The following SLC15A5 variants were observed in gnomAD, a reference collection of about 807,000 sequenced individuals.
SLC15A5 encodes Peptide/histidine transporter ENSP00000340402.
Under a neutral mutation model 56.1 loss-of-function variants are expected in SLC15A5, and 58 were observed. The ratio of observed to expected loss-of-function variants is 1.03; its 90% CI spans 0.84 to 1.29. The LOEUF is 1.29. Among genes scored for constraint, SLC15A5 ranks in the 50% most tolerant of loss-of-function variants. The pLI is 0.00. For synonymous variants in SLC15A5, 264 were observed against 250.5 expected (o/e 1.05, Z -0.51); for missense variants, 681 against 672.1 (o/e 1.01, Z -0.15).
At chr12:16,253,528 C>T (rs1864539718) in intron 3 of SLC15A5, among the ~76,000 whole-genome samples, 1 of 152,008 alleles carries the variant, frequency 6.6e-6, no homozygotes, top group Admixed American at 6.6e-5. Flanking sequence ...GGCCAATACA[C>T]ACATGAAAAG....
intron 7 of SLC15A5, among the ~76,000 whole-genome samples, chr12:16,214,241 G>T (rs1342964260): frequency 6.6e-6 from 1 of 152,200 alleles, no homozygotes; most frequent in Non-Finnish European, 1.5e-5. Flanking sequence ...AAATGCTTTT[G>T]TAGGAATAGT....
intron 5 of SLC15A5, among the ~76,000 whole-genome samples, chr12:16,238,676 T>C (rs1321744354): frequency 2.0e-5 from 3 of 149,664 alleles, no homozygotes; most frequent in Non-Finnish European, 3.0e-5. Context: ...GAGAAGAGAA[T>C]CTTCTATATG....
intron 6 of SLC15A5, among the ~76,000 whole-genome samples, chr12:16,220,497 A>G (rs905959103): frequency 5.3e-5 from 8 of 152,366 alleles, no homozygotes; most frequent in East Asian, 3.9e-4. Context: ...GTCATGGCCT[A>G]TGCCTTGTAC....
chr12:16,224,549 T>C lies in SLC15A5; in HGVS notation c.1216A>G (p.Ile406Val). Residue 406 changes from isoleucine (I) to valine (V), a missense_variant, in exon 6 of 9, where the codon ATA becomes GTA. Coordinates refer to ENST00000344941, the MANE Select transcript of SLC15A5 (RefSeq NM_001170798.1). ...LSVMIAGFFEIHRKHFPAVEQ... is the reference protein window; with the variant it reads ...LSVMIAGFFEVHRKHFPAVEQ... ...ACTGCAGGGAAATGTTTTCGGTGTATTTCAAAGAAGCCAGCTATCATCACA... is the reference window on the plus strand; with the variant it reads ...ACTGCAGGGAAATGTTTTCGGTGTACTTCAAAGAAGCCAGCTATCATCACA... The C allele has an allele frequency of 6.5e-7, 1 of 1,537,160 alleles. No homozygotes were observed.
Position 16,277,499 on chromosome 12 carries a change from T to C in SLC15A5, c.187A>G (p.Asn63Asp). The C allele has an allele frequency of 1.3e-6, 2 of 1,536,594 alleles. No homozygotes were observed. Among genetic ancestry groups the C allele is most frequent in the Non-Finnish European group, 1.7e-6 (2 of 1,146,466 alleles). ...TTGATAGTGCAAAAGGGGATCATGT[T>C]GCAGACGACTTCAAAGAACGTGAAC... ...ERFTFFEVVC[N>D]MIPFCTIKLG... Residue 63 changes from asparagine (N) to aspartate (D), a missense_variant, in exon 1 of 9, where the codon AAC (asparagine) becomes GAC (aspartate). Asn to Asp is a conservative substitution (Grantham distance 23). Transcript: ENST00000344941.
At chr12:16,256,806 C>T (rs1005863134) in intron 3 of SLC15A5, among the ~76,000 whole-genome samples, 1 of 151,162 alleles carries the variant, frequency 6.6e-6, no homozygotes, top group Non-Finnish European at 1.5e-5. Flanking sequence ...TTGCAGTGAG[C>T]GGACATCGCA....
At chr12:16,222,535 A>G (rs567758059) in intron 6 of SLC15A5, among the ~76,000 whole-genome samples, 1 of 152,286 alleles carries the variant, frequency 6.6e-6, no homozygotes, top group Non-Finnish European at 1.5e-5. Context: ...TGAGTTCCCA[A>G]ATTTATGTAG....
chr12:16,236,468 C>G (rs540111775), intron 5 of SLC15A5, among the ~76,000 whole-genome samples: 1 of 152,316 alleles, frequency 6.6e-6, no homozygotes, highest in East Asian at 1.9e-4. Context: ...GAGACCCTGA[C>G]ATATTTCTTG....
At chr12:16,273,793 T>G (rs977432205) in intron 1 of SLC15A5, among the ~76,000 whole-genome samples, 3 of 150,590 alleles carry the variant, frequency 2.0e-5, no homozygotes, top group African/African-American at 7.3e-5. Context: ...AAGTAATACA[T>G]TCTTACTTCA....
chr12:16,201,947 G>A (rs79907967), intron 7 of SLC15A5, among the ~76,000 whole-genome samples: 3,247 of 152,086 alleles, frequency 0.021, 111 homozygotes, highest in African/African-American at 0.072. Context: ...TACCAGATAC[G>A]AACAAATAAA....
intron 6 of SLC15A5, among the ~76,000 whole-genome samples, chr12:16,219,493 A>G (rs1158579353): frequency 1.3e-5 from 2 of 152,218 alleles, no homozygotes; most frequent in Non-Finnish European, 1.5e-5. Context: ...AAAGCAGAAC[A>G]TACAAGCCCA....
intron 2 of SLC15A5, among the ~76,000 whole-genome samples, chr12:16,265,787 C>T (rs752935755): frequency 1.3e-5 from 2 of 152,126 alleles, no homozygotes; most frequent in Non-Finnish European, 2.9e-5. Flanking sequence ...CCAGCTTCTT[C>T]TCTGAACTTC....
At chr12:16,197,252 T>G (rs1863903297) in intron 7 of SLC15A5, among the ~76,000 whole-genome samples, 1 of 152,142 alleles carries the variant, frequency 6.6e-6, no homozygotes, top group Non-Finnish European at 1.5e-5. Flanking sequence ...TTAGATTCAT[T>G]TAACATTCTC....
intron 1 of SLC15A5, 94 bp from the exon 2 acceptor site, chr12:16,272,877 C>T: frequency 9.3e-7 from 1 of 1,076,612 alleles, no homozygotes; most frequent in Non-Finnish European, 1.3e-6. Flanking sequence ...ACAGTGGCAT[C>T]ATTTTGTGAT....
At chr12:16,213,635 G>C (rs887390429) in intron 7 of SLC15A5, among the ~76,000 whole-genome samples, 1 of 152,160 alleles carries the variant, frequency 6.6e-6, no homozygotes, top group African/African-American at 2.4e-5. Flanking sequence ...TCAACTCTAT[G>C]ATTGTGATTT....
At position 16,244,575 on chromosome 12, in the gene SLC15A5, C is replaced by G. The variant is rs1198942570; in HGVS notation, c.975+5G>C. On this transcript the variant is annotated splice_donor_5th_base_variant and intron_variant, in intron 4 of 8. Coordinates refer to ENST00000344941, the MANE Select transcript of SLC15A5 (RefSeq NM_001170798.1). The stretch of plus-strand genomic sequence containing the variant: ...GTTGGGGTAGTACTCATCGCCTGTC[C>G]TTACCTGCATAATGCACATTCTGTA... The G allele has an allele frequency of 6.5e-7, 1 of 1,537,068 alleles. No individual in the cohort carries two copies. Among genetic ancestry groups the G allele is most frequent in the Non-Finnish European group, 8.7e-7 (1 of 1,146,734 alleles).
At chr12:16,255,666 C>T (rs994332340) in intron 3 of SLC15A5, among the ~76,000 whole-genome samples, 4 of 152,060 alleles carry the variant, frequency 2.6e-5, no homozygotes, top group African/African-American at 9.6e-5. Flanking sequence ...TTGTTAGAAT[C>T]TACTTAATAT....
At chr12:16,194,758 T>A (rs1162284142) in intron 7 of SLC15A5, among the ~76,000 whole-genome samples, 1 of 152,066 alleles carries the variant, frequency 6.6e-6, no homozygotes, top group Non-Finnish European at 1.5e-5. Flanking sequence ...AGGAGCCATG[T>A]GTGTATCTTA....
chr12:16,245,234 T>A (rs1012951149), intron 3 of SLC15A5, among the ~76,000 whole-genome samples: 1 of 152,186 alleles, frequency 6.6e-6, no homozygotes, highest in Non-Finnish European at 1.5e-5. Context: ...ACTTGGCAGG[T>A]AGAGGGTGGC....
Sources: gnomAD v4.1 joint callset for allele counts (sites outside exome capture counted in the v4.1 genomes callset) on GRCh38, gnomAD v4.1.1 for gene constraint, MANE v1.5 for transcripts, NCBI Gene and HGNC (gene_info 2026-07-23, HGNC 2026-07-21) for gene names.